The following SLC22A2 variants were observed in gnomAD, a reference collection of about 807,000 sequenced individuals.
SLC22A2 encodes the protein solute carrier family 22 member 2.
Under a neutral mutation model 60.5 loss-of-function variants are expected in SLC22A2, and 46 were observed. The observed-to-expected ratio is 0.76, with a 90% CI of 0.60 to 0.97. The LOEUF (loss-of-function observed/expected upper bound fraction) is 0.97. Among genes scored for constraint, SLC22A2 ranks in the 50% least tolerant of loss-of-function variants. The pLI, the probability that SLC22A2 is intolerant of heterozygous loss-of-function variation, is 0.00. For synonymous variants in SLC22A2, 303 were observed against 267.0 expected, an observed-to-expected ratio of 1.13 and a Z score of -1.31; for missense variants, 701 against 706.6, an observed-to-expected ratio of 0.99 and a Z score of 0.09.
rs79968771 is a variant in SLC22A2 at position 160,257,857 on chromosome 6, G to C, written c.414+487C>G. The C allele has an allele frequency of 9.8e-3, 1,498 of 153,294 alleles. 20 individuals carry two copies. The highest frequency in any genetic ancestry group is 0.034 in the African/African-American group (1,416 of 41,578). 9.5% of individuals were successfully genotyped at this position (153,294 alleles called of 1,614,324 possible). The stretch of plus-strand genomic sequence containing the variant: ...CATAGCATGATCTCCAGCCCCAAAT[G>C]ATTTTATATGAACACTTTGAGGAAA... On this transcript the variant is annotated intron_variant, in intron 1 of 10. Transcript: ENST00000366953.
At chr6:160,243,838 A>G in intron 6 of SLC22A2, 52 bp from the exon 7 acceptor site, 1 of 1,290,612 alleles carries the variant, frequency 7.7e-7, no homozygotes, top group South Asian at 1.2e-5. Context: ...ACAGGGCACC[A>G]AAAAAGAGAG....
In SLC22A2 at chr6:160,252,064, C is replaced by G. The variant is rs554034447; in HGVS notation, c.519-1362G>C. On this transcript the variant is annotated intron_variant, in intron 2 of 10. Coordinates refer to ENST00000366953, the MANE Select transcript of SLC22A2 (RefSeq NM_003058.4). Reference sequence around the variant, plus strand: ...TGCCATTGTGGTTTGCTGTACCTATCAACCCATCACCTAGGTAACGATGTA... The same window carrying G: ...TGCCATTGTGGTTTGCTGTACCTATGAACCCATCACCTAGGTAACGATGTA... Among the ~76,000 whole-genome samples, 25 of 152,264 alleles carry G rather than the reference C, an allele frequency of 1.6e-4. No homozygotes were observed. In the East Asian group the frequency reaches 4.8e-3, roughly 29 times the overall value.
Position 160,239,084 on chromosome 6 carries a change from C to G in SLC22A2, c.1501+2390G>C, listed in dbSNP as rs190804582. 3.2e-3 allele frequency among the ~76,000 whole-genome samples: 490 copies of G among 152,210 alleles called. 4 individuals carry two copies. Among genetic ancestry groups the G allele is most frequent in the African/African-American group, 0.012 (480 of 41,542 alleles). On this transcript the variant is annotated intron_variant, in intron 9 of 10. Coordinates refer to ENST00000366953, the MANE Select transcript of SLC22A2 (RefSeq NM_003058.4). Reference sequence around the variant, plus strand: ...GAAGCTGGCCCAAACCCACCAAAACCAAGATGGCGATGGAAGTGACCTCTG... The same window carrying G: ...GAAGCTGGCCCAAACCCACCAAAACGAAGATGGCGATGGAAGTGACCTCTG...
chr6:160,250,530 A>G lies in SLC22A2; in HGVS notation c.673+18T>C, dbSNP rs1783165535. ...GAGGTTGCTTTGTTCTCACAGTTGC[A>G]AGCACAAACATTCTTACTCAGGATG... On this transcript the variant is annotated intron_variant, in intron 3 of 10. Coordinates refer to ENST00000366953, the MANE Select transcript of SLC22A2 (RefSeq NM_003058.4). The G allele has an allele frequency of 6.2e-7, 1 of 1,613,654 alleles. No individual in the cohort carries two copies. The highest frequency in any genetic ancestry group is 8.5e-7 in the Non-Finnish European group (1 of 1,179,606).
chr6:160,218,902 C>T (rs939460756), intron 10 of SLC22A2, among the ~76,000 whole-genome samples: 8 of 1,092 alleles, frequency 7.3e-3, no homozygotes, highest in African/African-American at 0.012. Context: ...CAACAGAAGT[C>T]GCAGCAATAA....
chr6:160,251,480 G>A (rs1044675595), intron 2 of SLC22A2, among the ~76,000 whole-genome samples: 1 of 152,134 alleles, frequency 6.6e-6, no homozygotes, highest in Non-Finnish European at 1.5e-5. Flanking sequence ...AGATATTAGA[G>A]GTAAGGAGCT....
At chr6:160,249,482 C>A (rs1236461564) in intron 3 of SLC22A2, 98 bp from the exon 4 acceptor site, 12 of 894,752 alleles carry the variant, frequency 1.3e-5, no homozygotes, top group Non-Finnish European at 2.0e-5. Flanking sequence ...AAAATATAGA[C>A]AAATTCTAGA....
At chr6:160,242,131 G>A (rs1358597358) in intron 8 of SLC22A2, among the ~76,000 whole-genome samples, 163 bp downstream of exon 8, 1 of 152,138 alleles carries the variant, frequency 6.6e-6, no homozygotes, top group East Asian at 1.9e-4. Context: ...CAGCCTGTAA[G>A]TGTGAGAGGT....
intron 9 of SLC22A2, among the ~76,000 whole-genome samples, chr6:160,226,302 C>T (rs1475388686): frequency 6.6e-6 from 1 of 152,146 alleles, no homozygotes; most frequent in African/African-American, 2.4e-5. Flanking sequence ...AAACTTTGCT[C>T]CCCAAATGCT....
At chr6:160,245,793 G>C (rs1395277467) in intron 5 of SLC22A2, among the ~76,000 whole-genome samples, 1 of 149,646 alleles carries the variant, frequency 6.7e-6, no homozygotes, top group Non-Finnish European at 1.5e-5. Context: ...CCACCTCCTG[G>C]GTTCAAGCAA....
chr6:160,231,250 T>G (rs569504716), intron 9 of SLC22A2, among the ~76,000 whole-genome samples: 1 of 151,956 alleles, frequency 6.6e-6, no homozygotes. Context: ...CCCAGTTCCC[T>G]TATTAGGCCA....
chr6:160,231,455 C>G (rs575034297), intron 9 of SLC22A2, among the ~76,000 whole-genome samples: 1 of 151,918 alleles, frequency 6.6e-6, no homozygotes, highest in East Asian at 1.9e-4. Flanking sequence ...CCATTAAAAT[C>G]TAATCACCCT....
rs1294491980 is a variant in SLC22A2, at chr6:160,247,212, T to C, written c.929A>G (p.Asn310Ser). 6.2e-7 allele frequency: 1 copy of C among 1,611,862 alleles called. No individual in the cohort carries two copies. The highest frequency in any genetic ancestry group is 8.5e-7 in the Non-Finnish European group (1 of 1,177,976). Reference protein sequence around the residue: ...MRIIKHIAKKNGKSLPASLQR... With the variant: ...MRIIKHIAKKSGKSLPASLQR... ...AAGGGAGGCGGGTAGAGATTTTCCA[T>C]TTTTCTTTGCGATGTGCTTAATGAT... is the stretch of plus-strand genomic sequence containing the variant. The change falls in exon 5 of 11, where the codon AAT becomes AGT. Residue 310 changes from asparagine to serine, a missense_variant. Coordinates refer to ENST00000366953, the MANE Select transcript of SLC22A2 (RefSeq NM_003058.4).
chr6:160,223,875 A>C (rs1017659342), intron 10 of SLC22A2, among the ~76,000 whole-genome samples: 13 of 152,022 alleles, frequency 8.6e-5, no homozygotes, highest in African/African-American at 2.9e-4. Context: ...TTACAGGCGC[A>C]TACCACCACA....
intron 1 of SLC22A2, 42 bp downstream of exon 1, chr6:160,258,299 TCCA>T: frequency 1.9e-6 from 3 of 1,539,588 alleles, no homozygotes; most frequent in South Asian, 2.5e-5. Flanking sequence ...TGAGAAAATC[TCCA>T]CCATTTGCTT....
At chr6:160,250,314 A>T (rs1783161392) in intron 3 of SLC22A2, among the ~76,000 whole-genome samples, 1 of 152,222 alleles carries the variant, frequency 6.6e-6, no homozygotes, top group Admixed American at 6.5e-5. Flanking sequence ...AAGTTACATA[A>T]GAATCTGGGT....
chr6:160,241,558 T>C lies in SLC22A2; in HGVS notation c.1417A>G (p.Met473Val), dbSNP rs201478523. The part of the protein sequence containing the change: ...RNLGVHICSS[M>V]CDIGGIITPF... The stretch of plus-strand genomic sequence containing the variant: ...GTGATGATGCCACCAATGTCACACA[T>C]TGAGGAACAGATGTGGACGCCAAGA... Residue 473 changes from methionine to valine, a missense_variant, in exon 9 of 11, where the codon ATG becomes GTG. Physicochemically the swap from Met to Val is conservative, Grantham distance 21. Coordinates refer to ENST00000366953, the MANE Select transcript of SLC22A2 (RefSeq NM_003058.4). 99 of 1,613,446 alleles carry C rather than the reference T, an allele frequency of 6.1e-5. 1 individual carries two copies. The East Asian group carries it at 1.8e-3, about 29-fold the overall frequency.
Position 160,250,476 on chromosome 6 carries a change from C to T in SLC22A2, c.673+72G>A, listed in dbSNP as rs773376195. On this transcript the variant is annotated intron_variant, in intron 3 of 10. Transcript: ENST00000366953. ...AAGCTGGGTCCCTTTTCTTGCATGC[C>T]GCCCCCCACCTGACTCTATTTTGGC... 2.7e-5 allele frequency: 39 copies of T among 1,462,766 alleles called. 1 individual carries two copies. In the South Asian group the frequency reaches 3.8e-4, roughly 14 times the overall value. 90.6% of individuals were successfully genotyped at this position (1,462,766 alleles called of 1,614,324 possible).
chr6:160,232,710 T>C (rs1455256845), intron 9 of SLC22A2, among the ~76,000 whole-genome samples: 1 of 151,768 alleles, frequency 6.6e-6, no homozygotes, highest in Non-Finnish European at 1.5e-5. Context: ...AAAGCAGCCA[T>C]CAAAAGGCAT....
Sources: gnomAD v4.1 joint callset for allele counts (sites outside exome capture counted in the v4.1 genomes callset) on GRCh38, gnomAD v4.1.1 for gene constraint, MANE v1.5 for transcripts, NCBI Gene and HGNC (gene_info 2026-07-23, HGNC 2026-07-21) for gene names.